CNTLN: variants seen among roughly 807,000 people sequenced by gnomAD.
CNTLN encodes centlein, centrosomal protein.
A neutral mutation model predicts 180.0 loss-of-function variants in CNTLN; 212 were observed. The observed-to-expected ratio is 1.18, with a 90% CI of 1.05 to 1.32. The LOEUF (loss-of-function observed/expected upper bound fraction) is 1.32. Among genes scored for constraint, CNTLN ranks in the 40% most tolerant of loss-of-function variants. The pLI, the probability that CNTLN is intolerant of heterozygous loss-of-function variation, is 0.00. For synonymous variants in CNTLN, 722 were observed against 563.1 expected, an observed-to-expected ratio of 1.28 and a Z score of -3.99; for missense variants, 2,095 against 1,610.9, an observed-to-expected ratio of 1.30 and a Z score of -5.14.
intron 2 of CNTLN, among the ~76,000 whole-genome samples, chr9:17,210,514 C>T (rs1434704517): frequency 6.6e-6 from 1 of 152,168 alleles, no homozygotes; most frequent in Non-Finnish European, 1.5e-5. Flanking sequence ...AATATTGCCG[C>T]AGTGAACATA....
intron 6 of CNTLN, among the ~76,000 whole-genome samples, chr9:17,278,085 C>A (rs758771308): frequency 1.3e-5 from 2 of 152,250 alleles, no homozygotes; most frequent in Admixed American, 6.5e-5. Flanking sequence ...CAAACTGTGG[C>A]TCAGCAGAGA....
At chr9:17,362,857 T>G (rs1823512349) in intron 12 of CNTLN, among the ~76,000 whole-genome samples, 2 of 152,114 alleles carry the variant, frequency 1.3e-5, no homozygotes, top group Non-Finnish European at 2.9e-5. Flanking sequence ...TCATCTACAT[T>G]AAGTATTTCT....
chr9:17,339,306 G>A (rs971370367), intron 10 of CNTLN, among the ~76,000 whole-genome samples: 12 of 152,198 alleles, frequency 7.9e-5, no homozygotes, highest in Non-Finnish European at 1.5e-4. Context: ...CTGTTTAGAT[G>A]AGAGGTCAAG....
Position 17,416,012 on chromosome 9 carries a change from C to G in CNTLN, c.2937C>G (p.Ser979Arg). 1 of 1,612,746 alleles carries G rather than the reference C, an allele frequency of 6.2e-7. No individual in the cohort carries two copies. Among genetic ancestry groups the G allele is most frequent in the Non-Finnish European group, 8.5e-7 (1 of 1,179,548 alleles). The change falls in exon 18 of 26, where the codon AGC becomes AGG. Residue 979 changes from serine to arginine, a missense_variant. Physicochemically the swap from Ser to Arg is moderately radical, Grantham distance 110 (BLOSUM62 -1). Transcript: ENST00000380647. ...ATATAACTGCCCAGAAATCAAGTAGCAATATTATTTTATTACGAGAACGGA... is the reference window on the plus strand; with the variant it reads ...ATATAACTGCCCAGAAATCAAGTAGGAATATTATTTTATTACGAGAACGGA... ...YKNITAQKSSSNIILLRERII... is the reference protein window; with the variant it reads ...YKNITAQKSSRNIILLRERII...
At chr9:17,223,630 A>G (rs995576737) in intron 2 of CNTLN, among the ~76,000 whole-genome samples, 2 of 152,052 alleles carry the variant, frequency 1.3e-5, no homozygotes, top group Non-Finnish European at 2.9e-5. Flanking sequence ...CCTATCATGT[A>G]CAATTCACCT....
At chr9:17,345,968 T>G (rs573201725) in intron 12 of CNTLN, among the ~76,000 whole-genome samples, 19 of 152,222 alleles carry the variant, frequency 1.2e-4, no homozygotes, top group Non-Finnish European at 1.0e-4. Flanking sequence ...AGAAATTCTC[T>G]GTTTTCTTTT....
At chr9:17,433,501 G>T (rs1353715853) in intron 18 of CNTLN, among the ~76,000 whole-genome samples, 3 of 152,034 alleles carry the variant, frequency 2.0e-5, no homozygotes, top group Non-Finnish European at 4.4e-5. Flanking sequence ...GGCCAGGCTG[G>T]TCTTGAACTC....
At chr9:17,526,981 G>T in the CNTLN span, among the ~76,000 whole-genome samples, 22 of 152,206 alleles carry the variant, frequency 1.4e-4, no homozygotes, top group African/African-American at 5.3e-4. Flanking sequence ...GGGTCCAAGT[G>T]ATTCTCCTGC....
chr9:17,520,529 T>C, the CNTLN span, among the ~76,000 whole-genome samples: 2 of 152,320 alleles, frequency 1.3e-5, no homozygotes, highest in Admixed American at 6.5e-5. Flanking sequence ...CTGAATTGTA[T>C]GGGAAGGGCA....
intron 2 of CNTLN, among the ~76,000 whole-genome samples, chr9:17,213,351 T>C (rs999904784): frequency 2.0e-5 from 3 of 152,220 alleles, no homozygotes; most frequent in Non-Finnish European, 4.4e-5. Context: ...TCAGTTTCCA[T>C]GTAGTTGACC....
intron 2 of CNTLN, among the ~76,000 whole-genome samples, chr9:17,205,365 A>G (rs140961095): frequency 1.3e-5 from 2 of 152,368 alleles, no homozygotes; most frequent in South Asian, 2.1e-4. Flanking sequence ...TATAATAAGC[A>G]AATTGCATTG....
intron 23 of CNTLN, among the ~76,000 whole-genome samples, chr9:17,471,315 A>C (rs1468902233): frequency 6.6e-6 from 1 of 152,092 alleles, no homozygotes; most frequent in African/African-American, 2.4e-5. Context: ...TGTATCGCAG[A>C]CAAAGACTCA....
the CNTLN span, among the ~76,000 whole-genome samples, chr9:17,527,075 G>T: frequency 6.6e-6 from 1 of 152,106 alleles, no homozygotes; most frequent in Non-Finnish European, 1.5e-5. Flanking sequence ...TAGAGATGGG[G>T]TTTCACCATG....
intron 6 of CNTLN, among the ~76,000 whole-genome samples, chr9:17,283,101 G>A (rs953932445): frequency 6.6e-5 from 10 of 152,046 alleles, no homozygotes; most frequent in East Asian, 1.9e-4. Flanking sequence ...TAATTTTAAC[G>A]TAGTTTTTTC....
At chr9:17,192,607 CT>C (rs1316167626) in intron 2 of CNTLN, among the ~76,000 whole-genome samples, 1 of 152,044 alleles carries the variant, frequency 6.6e-6, no homozygotes, top group Non-Finnish European at 1.5e-5. Context: ...GAGTAACTTG[CT>C]TAAACTCACA....
chr9:17,365,003 TG>T (rs1227897163), intron 12 of CNTLN, among the ~76,000 whole-genome samples: 2 of 152,182 alleles, frequency 1.3e-5, no homozygotes, highest in Admixed American at 6.5e-5. Context: ...TTCAGCAGAT[TG>T]TTTTCTCCCA....
At chr9:17,312,854 A>G (rs1365506301) in intron 8 of CNTLN, among the ~76,000 whole-genome samples, 2 of 152,148 alleles carry the variant, frequency 1.3e-5, no homozygotes, top group Non-Finnish European at 2.9e-5. Flanking sequence ...ACTTGATAGT[A>G]TTCAGATCTT....
intron 5 of CNTLN, among the ~76,000 whole-genome samples, chr9:17,270,375 TA>T (rs1340758390): frequency 1.3e-5 from 2 of 152,170 alleles, no homozygotes; most frequent in Admixed American, 6.5e-5. Context: ...GGCATCTTCA[TA>T]TTTTTTTCCT....
At chr9:17,364,523 C>T (rs1485451208) in intron 12 of CNTLN, among the ~76,000 whole-genome samples, 1 of 151,828 alleles carries the variant, frequency 6.6e-6, no homozygotes, top group Non-Finnish European at 1.5e-5. Context: ...ATATGTTTAT[C>T]ACTTCTTTAT....
Sources: gnomAD v4.1 joint callset for allele counts (sites outside exome capture counted in the v4.1 genomes callset) on GRCh38, gnomAD v4.1.1 for gene constraint, MANE v1.5 for transcripts, NCBI Gene and HGNC (gene_info 2026-07-23, HGNC 2026-07-21) for gene names.